The following HCLS1 variants were observed in gnomAD, a reference collection of about 807,000 sequenced individuals.
The protein encoded by HCLS1 is hematopoietic lineage cell-specific protein.
Under a neutral mutation model 68.6 loss-of-function variants are expected in HCLS1, and 44 were observed. The ratio of observed to expected loss-of-function variants is 0.64; its 90% CI spans 0.50 to 0.82. HCLS1 has a LOEUF of 0.82. HCLS1 is among the 40% of genes least tolerant of loss of function. The pLI is 0.00. For synonymous variants in HCLS1, 217 were observed against 225.8 expected (o/e 0.96, Z 0.35); for missense variants, 602 against 612.1 (o/e 0.98, Z 0.17).
rs1184485196 is a variant in HCLS1 at position 121,635,718 on chromosome 3, G to A, written c.691+17C>T. 1 of 1,601,066 alleles carries A rather than the reference G, an allele frequency of 6.2e-7. No homozygotes were observed. The highest frequency in any genetic ancestry group is 1.3e-5 in the African/African-American group (1 of 74,704). On this transcript the variant is annotated intron_variant, in intron 9 of 13. Transcript: ENST00000314583. ...GAAGGAAGTGAGGTGCATGGAGAGT[G>A]AATCACTAAGCCTCACCGGCTTCTA...
chr3:121,635,818 A>C lies in HCLS1; in HGVS notation c.622-14T>G, dbSNP rs1457267243. On this transcript the variant is annotated splice_polypyrimidine_tract_variant and intron_variant, in intron 8 of 13. Transcript: ENST00000314583. ...GCCGACAGCGCTCTGCAGGCAGGAG[A>C]ACAGCATGTGTGTTGCGGGAGAGGG... 6.2e-7 allele frequency: 1 copy of C among 1,612,848 alleles called. No individual in the cohort carries two copies. The highest frequency in any genetic ancestry group is 1.7e-5 in the Admixed American group (1 of 60,012).
At chr3:121,644,095 G>C (rs1051909196) in intron 5 of HCLS1, 2 of 153,054 alleles carry the variant, frequency 1.3e-5, no homozygotes, top group Non-Finnish European at 2.9e-5. Flanking sequence ...TAAAAACAAA[G>C]AAAAAATCTC....
At chr3:121,633,035 TG>T in intron 11 of HCLS1, 31 bp downstream of exon 11, 1 of 1,430,554 alleles carries the variant, frequency 7.0e-7, no homozygotes, top group Non-Finnish European at 9.8e-7. Context: ...GAAGATGGGG[TG>T]GGGGCAGAGA....
rs368893881 is a variant in HCLS1 at position 121,637,159 on chromosome 3, G to C, written c.552C>G (p.His184Gln). The change falls in exon 7 of 14, where the codon CAC becomes CAG. Residue 184 changes from histidine (H) to glutamine (Q), a missense_variant. By Grantham distance (24) the His-to-Gln change is conservative. Coordinates refer to ENST00000314583, the MANE Select transcript of HCLS1 (RefSeq NM_005335.6). Reference protein sequence around the residue: ...GYDYKGETEKHESQRDYAKGF... With the variant: ...GYDYKGETEKQESQRDYAKGF... ...ACCCCAACTCACCTCTCTGGGACTC[G>C]TGTTTCTCCGTCTCTCCCTTGTAGT... 56 of 1,610,706 alleles carry C rather than the reference G, an allele frequency of 3.5e-5. No homozygotes were observed. Among genetic ancestry groups the C allele is most frequent in the Non-Finnish European group, 4.6e-5 (54 of 1,177,126 alleles).
Position 121,637,257 on chromosome 3 carries a change from C to T in HCLS1, c.455-1G>A. On this transcript the variant is annotated splice_acceptor_variant, in intron 6 of 13. Transcript: ENST00000314583. LOFTEE classifies it high-confidence loss of function. The stretch of plus-strand genomic sequence containing the variant: ...CGGCCACCAAAGCCACGAGAGTAAT[C>T]TGTGGTCGAAGGAGCAGTCATGAGA... 1 of 1,610,058 alleles carries T rather than the reference C, an allele frequency of 6.2e-7. No homozygotes were observed. The highest frequency in any genetic ancestry group is 1.1e-5 in the South Asian group (1 of 90,982).
rs1410000651 is a variant in HCLS1 at position 121,631,835 on chromosome 3, G to A, written c.*11C>T. The A allele has an allele frequency of 6.2e-7, 1 of 1,614,112 alleles. No individual in the cohort carries two copies. Among genetic ancestry groups the A allele is most frequent in the Admixed American group, 1.7e-5 (1 of 60,020 alleles). On this transcript the variant is annotated 3_prime_UTR_variant, in exon 14 of 14. Coordinates refer to ENST00000314583, the MANE Select transcript of HCLS1 (RefSeq NM_005335.6). Reference sequence around the variant, plus strand: ...TGGGAAATCACAGTTGCAGTAGACAGTGAGCTCTAGTCACTCCAGAAGCTT... The same window carrying A: ...TGGGAAATCACAGTTGCAGTAGACAATGAGCTCTAGTCACTCCAGAAGCTT...
At chr3:121,652,727 G>A (rs1204610383) in intron 3 of HCLS1, among the ~76,000 whole-genome samples, 2 of 152,144 alleles carry the variant, frequency 1.3e-5, no homozygotes, top group East Asian at 3.8e-4. Context: ...GAGACTTTGG[G>A]CACTCATAAA....
intron 4 of HCLS1, among the ~76,000 whole-genome samples, chr3:121,645,148 A>C (rs2049234788): frequency 6.6e-6 from 1 of 152,190 alleles, no homozygotes; most frequent in Non-Finnish European, 1.5e-5. Flanking sequence ...GGAATCCTTC[A>C]TTCTGAACAC....
At chr3:121,639,530 TTTGTTGTTG>T (rs373818113) in intron 6 of HCLS1, among the ~76,000 whole-genome samples, 14 of 151,112 alleles carry the variant, frequency 9.3e-5, no homozygotes, top group African/African-American at 1.5e-4. Flanking sequence ...GATTTTATTT[TTTGTTGTTG>T]TTGTTGTTGT....
At chr3:121,650,919 C>A (rs1464319060) in intron 3 of HCLS1, among the ~76,000 whole-genome samples, 2 of 152,110 alleles carry the variant, frequency 1.3e-5, no homozygotes, top group East Asian at 1.9e-4. Flanking sequence ...GGGTGGATCA[C>A]AAGGTCAGGA....
intron 5 of HCLS1, chr3:121,644,011 T>G (rs1346847846): frequency 1.3e-5 from 2 of 152,732 alleles, no homozygotes; most frequent in Non-Finnish European, 2.9e-5. Context: ...ACAATTAATT[T>G]TCTAGAACTT....
chr3:121,657,995 C>T (rs1183718762), intron 2 of HCLS1: 1 of 414,314 alleles, frequency 2.4e-6, no homozygotes, highest in Non-Finnish European at 4.4e-6. Flanking sequence ...GACCCAGGTT[C>T]ACCTGCTTCT....
At chr3:121,644,720 T>A in intron 5 of HCLS1, 98 bp downstream of exon 5, 1 of 868,750 alleles carries the variant, frequency 1.2e-6, no homozygotes, top group Middle Eastern at 2.2e-4. Context: ...CACTGTCCTG[T>A]CTTTCAACAA....
At chr3:121,633,259 A>G in intron 10 of HCLS1, 88 bp from the exon 11 acceptor site, 1 of 832,548 alleles carries the variant, frequency 1.2e-6, no homozygotes, top group Admixed American at 2.4e-5. Context: ...TCTGTAGCCC[A>G]GGCTGGAGTG....
chr3:121,657,402 T>C (rs773209591), intron 2 of HCLS1, 50 bp from the exon 3 acceptor site: 107 of 1,563,956 alleles, frequency 6.8e-5, no homozygotes, highest in South Asian at 6.2e-4. Context: ...ATGTGCCACA[T>C]TGAGAAGGGC....
At chr3:121,652,336 C>T (rs934932177) in intron 3 of HCLS1, among the ~76,000 whole-genome samples, 1 of 152,094 alleles carries the variant, frequency 6.6e-6, no homozygotes, top group Admixed American at 6.6e-5. Context: ...GAACTATTTG[C>T]TTATAATGAT....
chr3:121,655,687 T>G (rs199750662), intron 3 of HCLS1: 1 of 147,754 alleles, frequency 6.8e-6, no homozygotes, highest in Non-Finnish European at 1.5e-5. Context: ...GTGGTTTTTT[T>G]TTTTTTTTTT....
chr3:121,638,506 C>T (rs1027294338), intron 6 of HCLS1, among the ~76,000 whole-genome samples: 3 of 152,150 alleles, frequency 2.0e-5, no homozygotes, highest in African/African-American at 7.2e-5. Flanking sequence ...AAAAATTCTA[C>T]TCATTTACTC....
At chr3:121,644,962 A>T (rs1286247520) in intron 4 of HCLS1, 34 bp from the exon 5 acceptor site, 4 of 1,498,324 alleles carry the variant, frequency 2.7e-6, no homozygotes, top group Non-Finnish European at 3.7e-6. Context: ...GAGTGAAAAG[A>T]TAAAAATGAC....
Sources: gnomAD v4.1 joint callset for allele counts (sites outside exome capture counted in the v4.1 genomes callset) on GRCh38, gnomAD v4.1.1 for gene constraint, MANE v1.5 for transcripts, NCBI Gene and HGNC (gene_info 2026-07-23, HGNC 2026-07-21) for gene names.